Variants in ELAVL4 observed in about 807,000 individuals in gnomAD.
ELAVL4 encodes the protein ELAV like RNA binding protein 4.
In ELAVL4, 1 loss-of-function variant was observed where a neutral mutation model predicts 35.6. The observed-to-expected ratio is 0.03, with a 90% CI of 0.01 to 0.13. ELAVL4 has a LOEUF of 0.13. ELAVL4 is among the 10% of genes least tolerant of loss of function. The pLI, the probability that ELAVL4 is intolerant of heterozygous loss-of-function variation, is 1.00. For missense variants in ELAVL4, 267 were observed against 464.9 expected (o/e 0.57, Z 3.91); for synonymous variants, 156 against 171.0 (o/e 0.91, Z 0.69).
At chr1:50,142,659 T>C (rs1349342041) in intron 1 of ELAVL4, among the ~76,000 whole-genome samples, 1 of 152,166 alleles carries the variant, frequency 6.6e-6, no homozygotes. Context: ...ACTTTCATAC[T>C]CTGCTGGTGG....
At chr1:50,057,648 T>C (rs1384338299) in intron 1 of ELAVL4, among the ~76,000 whole-genome samples, 2 of 152,252 alleles carry the variant, frequency 1.3e-5, no homozygotes, top group African/African-American at 4.8e-5. Context: ...ACTAGTCACA[T>C]GCTGTCCAAG....
chr1:50,192,156 C>A (rs1378699853), intron 3 of ELAVL4, among the ~76,000 whole-genome samples: 1 of 152,158 alleles, frequency 6.6e-6, no homozygotes, highest in African/African-American at 2.4e-5. Flanking sequence ...AGAAGGAGCC[C>A]ACAGAGGCCT....
intron 1 of ELAVL4, among the ~76,000 whole-genome samples, chr1:50,125,510 T>G (rs1279552393): frequency 6.6e-5 from 10 of 151,832 alleles, no homozygotes; most frequent in African/African-American, 2.4e-4. Flanking sequence ...CTGCATGTGG[T>G]GTAAGGTGGT....
intron 1 of ELAVL4, among the ~76,000 whole-genome samples, chr1:50,077,671 G>A (rs570850645): frequency 6.6e-6 from 1 of 152,274 alleles, no homozygotes; most frequent in Non-Finnish European, 1.5e-5. Context: ...TACTTACCCT[G>A]CTTGCTGTGA....
At chr1:50,117,732 G>A (rs952440362) in intron 1 of ELAVL4, among the ~76,000 whole-genome samples, 1 of 152,120 alleles carries the variant, frequency 6.6e-6, no homozygotes, top group Non-Finnish European at 1.5e-5. Context: ...CTGTCCCTTG[G>A]CAAAAGCCCT....
At chr1:50,135,887 A>T (rs1671800812) in intron 1 of ELAVL4, among the ~76,000 whole-genome samples, 1 of 152,198 alleles carries the variant, frequency 6.6e-6, no homozygotes, top group East Asian at 1.9e-4. Context: ...GTGAGTCATC[A>T]CCTGTAATTT....
chr1:50,052,459 G>C (rs1663435964), intron 1 of ELAVL4, among the ~76,000 whole-genome samples: 1 of 152,194 alleles, frequency 6.6e-6, no homozygotes, highest in Admixed American at 6.5e-5. Flanking sequence ...AGACAGCTGT[G>C]CAGTAGCTTC....
intron 1 of ELAVL4, among the ~76,000 whole-genome samples, chr1:50,143,814 TAAC>T (rs998312840): frequency 8.5e-5 from 13 of 152,216 alleles, no homozygotes; most frequent in African/African-American, 2.9e-4. Context: ...TTTTCTATGA[TAAC>T]AGAGAAGTAA....
Position 50,139,966 on chromosome 1 carries a change from G to A in ELAVL4, c.10-4991G>A, listed in dbSNP as rs540818382. Reference sequence around the variant, plus strand: ...TTGAGTGCCTACGTTATTGTGCACCGCTCTAATAGTTTATCCCTGAAATTT... The same window carrying A: ...TTGAGTGCCTACGTTATTGTGCACCACTCTAATAGTTTATCCCTGAAATTT... On this transcript the variant is annotated intron_variant, in intron 1 of 6. Coordinates refer to ENST00000371824, the MANE Select transcript of ELAVL4 (RefSeq NM_001144774.3). Among the ~76,000 whole-genome samples, 5 of 152,214 alleles carry A rather than the reference G, an allele frequency of 3.3e-5. No homozygotes were observed. The South Asian group carries it at 6.2e-4, about 19-fold the overall frequency.
chr1:50,171,828 G>A (rs370443970), intron 2 of ELAVL4, among the ~76,000 whole-genome samples: 1 of 152,236 alleles, frequency 6.6e-6, no homozygotes, highest in Non-Finnish European at 1.5e-5. Flanking sequence ...AGAATGGGCA[G>A]TGAAGGAGTC....
At chr1:50,125,855 G>A (rs1050872757) in intron 1 of ELAVL4, among the ~76,000 whole-genome samples, 1 of 152,016 alleles carries the variant, frequency 6.6e-6, no homozygotes, top group Non-Finnish European at 1.5e-5. Context: ...TTAGGAGTCT[G>A]CAAAATGGGG....
At chr1:50,171,608 G>A (rs896425214) in intron 2 of ELAVL4, among the ~76,000 whole-genome samples, 2 of 152,182 alleles carry the variant, frequency 1.3e-5, no homozygotes, top group African/African-American at 4.8e-5. Flanking sequence ...TCTTCACAGT[G>A]ATACTTTGAT....
chr1:50,123,343 G>C (rs896353277), intron 1 of ELAVL4, among the ~76,000 whole-genome samples: 16 of 151,990 alleles, frequency 1.1e-4, no homozygotes, highest in African/African-American at 3.6e-4. Context: ...AACATTTGCT[G>C]AACAGAGTTG....
intron 1 of ELAVL4, among the ~76,000 whole-genome samples, chr1:50,055,091 T>C (rs1663584503): frequency 6.6e-6 from 1 of 152,202 alleles, no homozygotes; most frequent in African/African-American, 2.4e-5. Flanking sequence ...CATTAAATCC[T>C]GCGCAATTTC....
rs1287860009 is a variant in ELAVL4 at position 50,180,554 on chromosome 1, C to T, written c.354+3362C>T. 3 of 152,296 alleles carry T rather than the reference C, an allele frequency of 2.0e-5. No homozygotes were observed. The East Asian group carries it at 5.8e-4, about 29-fold the overall frequency. The allele number at this position is 152,296 out of a possible 1,614,324, so 9.4% of individuals were successfully genotyped here. A position where few individuals can be genotyped will look rare whatever the true frequency, so the allele number is the denominator to read the frequency against. Reference sequence around the variant, plus strand: ...TTCAGAGAGCAATCTGACCTCTGTTCTCCAGAAGCATGCAATCTAGGCATC... The same window carrying T: ...TTCAGAGAGCAATCTGACCTCTGTTTTCCAGAAGCATGCAATCTAGGCATC... On this transcript the variant is annotated intron_variant, in intron 3 of 6. Transcript: ENST00000371824.
chr1:50,102,477 T>C (rs1246046609), upstream of ELAVL4, among the ~76,000 whole-genome samples: 1 of 151,858 alleles, frequency 6.6e-6, no homozygotes, highest in African/African-American at 2.4e-5. Flanking sequence ...CCTCCTCCCT[T>C]CTTTTTCCAT....
At chr1:50,124,108 A>G (rs903354803) in intron 1 of ELAVL4, among the ~76,000 whole-genome samples, 10 of 152,016 alleles carry the variant, frequency 6.6e-5, no homozygotes, top group Admixed American at 6.6e-4. Context: ...GGGATATTGG[A>G]CCCAAATCCC....
chr1:50,106,194 G>C, upstream of ELAVL4: 1 of 862,692 alleles, frequency 1.2e-6, no homozygotes, highest in Non-Finnish European at 1.8e-6. Flanking sequence ...TCCACTGCGC[G>C]GAGTAGGTAG....
At chr1:50,172,629 G>T (rs1490392425) in intron 2 of ELAVL4, among the ~76,000 whole-genome samples, 1 of 152,122 alleles carries the variant, frequency 6.6e-6, no homozygotes, top group Non-Finnish European at 1.5e-5. Flanking sequence ...GGGACCCTAA[G>T]ACCTACCAAG....
Sources: gnomAD v4.1 joint callset for allele counts (sites outside exome capture counted in the v4.1 genomes callset) on GRCh38, gnomAD v4.1.1 for gene constraint, MANE v1.5 for transcripts, NCBI Gene and HGNC (gene_info 2026-07-23, HGNC 2026-07-21) for gene names.